KRT38: variants seen among roughly 807,000 people sequenced by gnomAD.
KRT38 encodes the protein keratin, type I cuticular Ha8.
KRT38 carries 45 observed loss-of-function variants against 43.1 expected under a neutral mutation model. That is an observed-to-expected ratio of 1.04 (90% CI 0.82 to 1.34). The LOEUF (loss-of-function observed/expected upper bound fraction) is 1.34, where lower values mean the gene tolerates loss of function less well. Ranked by LOEUF, KRT38 falls within the 40% of genes most tolerant of loss-of-function variation. The pLI, the probability that KRT38 is intolerant of heterozygous loss-of-function variation, is 0.00. For missense variants in KRT38, 627 were observed against 586.2 expected (o/e 1.07, Z -0.72); for synonymous variants, 258 against 244.0 (o/e 1.06, Z -0.53).
rs1179160775 is a variant in KRT38, at chr17:41,439,313, A to G, written c.622T>C (p.Cys208Arg). ...SLRQLVEADK[C>R]GTQKLLDDAT... ...TCATCCAGGAGCTTCTGTGTCCCAC[A>G]CTTGTCTGCCTCCACCAGCTGGCGC... Residue 208 changes from cysteine (C) to arginine (R), a missense_variant, in exon 3 of 7, where the codon TGT becomes CGT. Physicochemically the swap from Cys to Arg is radical, Grantham distance 180. Transcript: ENST00000246646. The G allele has an allele frequency of 6.2e-7, 1 of 1,614,090 alleles. No homozygotes were observed. Among genetic ancestry groups the G allele is most frequent in the South Asian group, 1.1e-5 (1 of 91,078 alleles).
Position 41,438,598 on chromosome 17 carries a change from G to A in KRT38, c.913C>T (p.Gln305Ter), listed in dbSNP as rs777958750. 2 of 1,614,108 alleles carry A rather than the reference G, an allele frequency of 1.2e-6. No homozygotes were observed. Among genetic ancestry groups the A allele is most frequent in the Non-Finnish European group, 1.7e-6 (2 of 1,180,014 alleles). The change falls in exon 5 of 7, where the codon CAG becomes TAG. Residue 305 changes from glutamine to a stop codon, truncating the protein, a stop_gained. Coordinates refer to ENST00000246646, the MANE Select transcript of KRT38 (RefSeq NM_006771.4). LOFTEE classifies it high-confidence loss of function. Reference protein sequence around the residue: ...FQAQSEGISLQDMSCSEELQC... With the variant: ...FQAQSEGISL ...AGCTCCTCGGAGCAGGACATGTCCT[G>A]CAGGCTGATGCCTTCAGACTGGAGC...
rs2018750099 is a variant in KRT38, at chr17:41,438,117, T to C, written c.1217A>G (p.Asn406Ser). 1 of 1,614,166 alleles carries C rather than the reference T, an allele frequency of 6.2e-7. No individual in the cohort carries two copies. Among genetic ancestry groups the C allele is most frequent in the Non-Finnish European group, 8.5e-7 (1 of 1,180,030 alleles). Reference sequence around the variant, plus strand: ...CTTGCAGTCCTCGCTTTCCAGAAGGTTCCGGTACGTGGCAATCTCATTCTC... The same window carrying C: ...CTTGCAGTCCTCGCTTTCCAGAAGGCTCCGGTACGTGGCAATCTCATTCTC... ...RLENEIATYR[N>S]LLESEDCKLP... Residue 406 changes from asparagine to serine, a missense_variant, in exon 6 of 7, where the codon AAC becomes AGC. Transcript: ENST00000246646.
intron 3 of KRT38, 114 bp from the exon 4 acceptor site, chr17:41,438,972 G>A (rs746418903): frequency 1.6e-4 from 226 of 1,370,358 alleles, no homozygotes; most frequent in Middle Eastern, 5.5e-4. Context: ...CCACACACAA[G>A]CAAATGGGAA....
intron 6 of KRT38, among the ~76,000 whole-genome samples, chr17:41,437,840 A>G (rs1381005196): frequency 6.6e-6 from 1 of 152,150 alleles, no homozygotes; most frequent in Non-Finnish European, 1.5e-5. Context: ...TTGAGCAGCG[A>G]CCCTGTGTCT....
chr17:41,439,471 T>A, intron 2 of KRT38, 112 bp from the exon 3 acceptor site: 2 of 1,264,946 alleles, frequency 1.6e-6, no homozygotes, highest in Non-Finnish European at 2.2e-6. Flanking sequence ...TCACTCTGTT[T>A]AGCCCTCTGT....
intron 2 of KRT38, 135 bp downstream of exon 2, chr17:41,440,026 C>T (rs1221613794): frequency 1.2e-5 from 9 of 720,282 alleles, no homozygotes; most frequent in African/African-American, 1.8e-5. Context: ...CCATCAGCTT[C>T]GATTGTAATG....
Position 41,440,863 on chromosome 17 carries a change from G to A in KRT38, c.59C>T (p.Ala20Val). 1.3e-6 allele frequency: 2 copies of A among 1,580,776 alleles called. No homozygotes were observed. Among genetic ancestry groups the A allele is most frequent in the African/African-American group, 2.7e-5 (2 of 74,508 alleles). ...CPLGCTMAPG[A>V]RNVSVSPIDI... is the part of the protein sequence containing the mutation. The stretch of plus-strand genomic sequence containing the variant: ...GATGGGAGAGACAGAGACATTTCTT[G>A]CTCCAGGAGCCATGGTGCAACCCAG... The change falls in exon 1 of 7, where the codon GCA becomes GTA. Residue 20 changes from alanine (A) to valine (V), a missense_variant. Coordinates refer to ENST00000246646, the MANE Select transcript of KRT38 (RefSeq NM_006771.4).
Position 41,440,982 on chromosome 17 carries a change from C to T in KRT38, c.-61G>A, listed in dbSNP as rs182943872. The T allele has an allele frequency of 2.3e-5, 35 of 1,507,056 alleles. No individual in the cohort carries two copies. Among genetic ancestry groups the T allele is most frequent in the Non-Finnish European group, 3.1e-5 (35 of 1,129,552 alleles). 93.4% of individuals were successfully genotyped at this position (1,507,056 alleles called of 1,614,324 possible). A position where few individuals can be genotyped will look rare whatever the true frequency, so the allele number is the denominator to read the frequency against. On this transcript the variant is annotated 5_prime_UTR_variant, in exon 1 of 7. Transcript: ENST00000246646. ...AGCTGGGAAAGCTGAACCACTGAGACTGAAGCCTCCTCTCCTCCCAGCCCT... is the reference window on the plus strand; with the variant it reads ...AGCTGGGAAAGCTGAACCACTGAGATTGAAGCCTCCTCTCCTCCCAGCCCT...
In KRT38 at chr17:41,437,428, G is replaced by T; in HGVS notation, c.1355C>A (p.Thr452Asn). Residue 452 changes from threonine to asparagine, a missense_variant, in exon 7 of 7, where the codon ACC (threonine) becomes AAC (asparagine). Thr to Asn is a moderately conservative substitution (Grantham distance 65). Coordinates refer to ENST00000246646, the MANE Select transcript of KRT38 (RefSeq NM_006771.4). ...CACAGGAATTCAGAATCGGCTTCCGGTGGTGCTGGCTCCACAGGTGGGCCC... is the reference window on the plus strand; with the variant it reads ...CACAGGAATTCAGAATCGGCTTCCGTTGGTGCTGGCTCCACAGGTGGGCCC... The part of the protein sequence containing the change: ...TCGPTCGAST[T>N]GSRF The T allele has an allele frequency of 6.4e-7, 1 of 1,568,748 alleles. No homozygotes were observed. Among genetic ancestry groups the T allele is most frequent in the East Asian group, 2.4e-5 (1 of 40,976 alleles).
intron 3 of KRT38, among the ~76,000 whole-genome samples, 158 bp from the exon 4 acceptor site, chr17:41,439,016 C>T (rs2018765115): frequency 2.0e-5 from 3 of 152,272 alleles, no homozygotes; most frequent in Non-Finnish European, 4.4e-5. Context: ...GAGAGCCCAC[C>T]TGCACACCTT....
intron 6 of KRT38, among the ~76,000 whole-genome samples, chr17:41,437,861 G>C (rs564270143): frequency 6.6e-6 from 1 of 152,262 alleles, no homozygotes; most frequent in African/African-American, 2.4e-5. Flanking sequence ...ACTCTCATCA[G>C]TCCATGGCTA....
In KRT38 at chr17:41,439,303, T is replaced by C; in HGVS notation, c.632A>G (p.Gln211Arg). The change falls in exon 3 of 7, where the codon CAG becomes CGG. Residue 211 changes from glutamine (Q) to arginine (R), a missense_variant. Coordinates refer to ENST00000246646, the MANE Select transcript of KRT38 (RefSeq NM_006771.4). ...QLVEADKCGTQKLLDDATLAK... is the reference protein window; with the variant it reads ...QLVEADKCGTRKLLDDATLAK... ...CAGGGTCGCATCATCCAGGAGCTTC[T>C]GTGTCCCACACTTGTCTGCCTCCAC... The C allele has an allele frequency of 6.2e-7, 1 of 1,614,228 alleles. No homozygotes were observed. Among genetic ancestry groups the C allele is most frequent in the Non-Finnish European group, 8.5e-7 (1 of 1,180,044 alleles).
At position 41,438,200 on chromosome 17, in the gene KRT38, G is replaced by A. The variant is rs142075727; in HGVS notation, c.1134C>T (p.Ala378=). ...ACTCCTGGTTTTGCCGCTCCAGGTC[G>A]GCCCGGATCTCAGACAGCTGCTCCT... ...NVEEQLSEIR[A]DLERQNQEYQ... Residue 378 remains alanine, a synonymous_variant, in exon 6 of 7, where the codon GCC becomes GCT. Coordinates refer to ENST00000246646, the MANE Select transcript of KRT38 (RefSeq NM_006771.4). The A allele has an allele frequency of 4.7e-5, 76 of 1,614,054 alleles. No homozygotes were observed. In the Admixed American group the frequency reaches 4.8e-4, roughly 10 times the overall value.
rs748991088 is a variant in KRT38 at position 41,439,282 on chromosome 17, G to T, written c.653C>A (p.Thr218Asn). ...GGCCTCCAGGTCGGCCTTGGCCAGG[G>T]TCGCATCATCCAGGAGCTTCTGTGT... Reference protein sequence around the residue: ...CGTQKLLDDATLAKADLEAQQ... With the variant: ...CGTQKLLDDANLAKADLEAQQ... The change falls in exon 3 of 7, where the codon ACC (threonine) becomes AAC (asparagine). Residue 218 changes from threonine to asparagine, a missense_variant. Thr to Asn is a moderately conservative substitution (Grantham distance 65). Coordinates refer to ENST00000246646, the MANE Select transcript of KRT38 (RefSeq NM_006771.4). The T allele has an allele frequency of 6.2e-6, 10 of 1,614,230 alleles. No homozygotes were observed. In the African/African-American group the frequency reaches 6.7e-5, roughly 11 times the overall value.
At chr17:41,440,040 A>C in intron 2 of KRT38, 121 bp downstream of exon 2, 1 of 818,774 alleles carries the variant, frequency 1.2e-6, no homozygotes, top group East Asian at 2.7e-5. Context: ...TGTAATGAAA[A>C]TTTTACTGTA....
intron 6 of KRT38, 127 bp from the exon 7 acceptor site, chr17:41,437,668 C>T: frequency 1.1e-6 from 1 of 932,618 alleles, no homozygotes. Context: ...GACCCTGTGA[C>T]CATTAGCACC....
chr17:41,438,204 C>G lies in KRT38; in HGVS notation c.1130G>C (p.Arg377Pro), dbSNP rs188750560. ...SNVEEQLSEI[R>P]ADLERQNQEY... ...CTGGTTTTGCCGCTCCAGGTCGGCC[C>G]GGATCTCAGACAGCTGCTCCTCCAC... is the stretch of plus-strand genomic sequence containing the variant. Residue 377 changes from arginine to proline, a missense_variant, in exon 6 of 7, where the codon CGG becomes CCG. Arg to Pro is a moderately radical substitution (Grantham distance 103). Coordinates refer to ENST00000246646, the MANE Select transcript of KRT38 (RefSeq NM_006771.4). 63 of 1,614,140 alleles carry G rather than the reference C, an allele frequency of 3.9e-5. No homozygotes were observed. The East Asian group carries it at 8.2e-4, about 21-fold the overall frequency.
In KRT38 at chr17:41,437,526, C is replaced by T. The variant is rs777074027; in HGVS notation, c.1257G>A (p.Pro419=). 42 of 1,561,724 alleles carry T rather than the reference C, an allele frequency of 2.7e-5. 1 individual carries two copies. The South Asian group carries it at 2.9e-4, about 11-fold the overall frequency. The change falls in exon 7 of 7, where the codon CCG becomes CCA. Residue 419 remains proline (P), a synonymous_variant. Transcript: ENST00000246646. ...ESEDCKLPCN[P]CSTSPSCVTA... is the part of the protein sequence containing the mutation. ...TCACGCAGGAGGGAGACGTGGAGCA[C>T]GGATTGCAGGGGAGTCTGCAGAGAG...
Position 41,438,830 on chromosome 17 carries a change from C to T in KRT38, c.761G>A (p.Gly254Glu), listed in dbSNP as rs1177491380. The change falls in exon 4 of 7, where the codon GGG (glycine) becomes GAG (glutamate). Residue 254 changes from glycine (G) to glutamate (E), a missense_variant. Coordinates refer to ENST00000246646, the MANE Select transcript of KRT38 (RefSeq NM_006771.4). ...QEVKILRSQL[G>E]EKLRIELDIE... ...GTCCAGCTCAATCCGGAGCTTCTCC[C>T]CCAGCTGACTCCTCAGAATCTTTAC... The T allele has an allele frequency of 6.2e-7, 1 of 1,614,044 alleles. No individual in the cohort carries two copies. The highest frequency in any genetic ancestry group is 8.5e-7 in the Non-Finnish European group (1 of 1,180,028).
Sources: gnomAD v4.1 joint callset for allele counts (sites outside exome capture counted in the v4.1 genomes callset) on GRCh38, gnomAD v4.1.1 for gene constraint, MANE v1.5 for transcripts, NCBI Gene and HGNC (gene_info 2026-07-23, HGNC 2026-07-21) for gene names.